The following CPLX2 variants were observed in gnomAD, a reference collection of about 807,000 sequenced individuals.
CPLX2 encodes the protein complexin-2.
In CPLX2, 5 loss-of-function variants were observed where a neutral mutation model predicts 16.3. The observed-to-expected ratio is 0.31, with a 90% CI of 0.16 to 0.64. CPLX2 has a LOEUF of 0.64. CPLX2 is among the 30% of genes least tolerant of loss of function. The pLI is 0.79. For missense variants in CPLX2, 144 were observed against 181.4 expected (o/e 0.79, Z 1.18); for synonymous variants, 89 against 73.2 (o/e 1.22, Z -1.10).
intron 2 of CPLX2, among the ~76,000 whole-genome samples, chr5:175,859,632 CA>C (rs35623034): frequency 2.1e-4 from 32 of 152,296 alleles, no homozygotes; most frequent in Admixed American, 3.9e-4. Context: ...AGCTGTTGGC[CA>C]AAAGTATGTG....
intron 2 of CPLX2, among the ~76,000 whole-genome samples, chr5:175,813,199 A>G (rs1283778968): frequency 1.3e-5 from 2 of 152,272 alleles, no homozygotes; most frequent in East Asian, 3.8e-4. Context: ...TGTTAGAAAT[A>G]TATAACCAGC....
intron 1 of CPLX2, among the ~76,000 whole-genome samples, chr5:175,802,093 A>G (rs1030170483): frequency 6.6e-6 from 1 of 152,222 alleles, no homozygotes; most frequent in Admixed American, 6.5e-5. Context: ...AATAATGCCT[A>G]GGGTATTCTC....
chr5:175,825,292 G>A (rs555759108), intron 2 of CPLX2, among the ~76,000 whole-genome samples: 1 of 152,168 alleles, frequency 6.6e-6, no homozygotes, highest in South Asian at 2.1e-4. Context: ...TACTTGGGAG[G>A]CTGAGGCAGA....
At position 175,857,017 on chromosome 5, in the gene CPLX2, C is replaced by T. The variant is rs530328042; in HGVS notation, c.-88-21635C>T. Among the ~76,000 whole-genome samples, 8 of 152,218 alleles carry T rather than the reference C, an allele frequency of 5.3e-5. 1 individual carries two copies. The highest frequency in any genetic ancestry group is 3.9e-4 in the Admixed American group (6 of 15,280). ...TAGAACTGGGGACTGAAGAACTGAACTAGGGACTCATGACAGATTCTACCT... is the reference window on the plus strand; with the variant it reads ...TAGAACTGGGGACTGAAGAACTGAATTAGGGACTCATGACAGATTCTACCT... On this transcript the variant is annotated intron_variant, in intron 2 of 4. Coordinates refer to the CPLX2 transcript ENST00000359546.
chr5:175,880,462 T>C lies in CPLX2; in HGVS notation c.*417T>C. 1 of 299,702 alleles carries C rather than the reference T, an allele frequency of 3.3e-6. No homozygotes were observed. The highest frequency in any genetic ancestry group is 6.5e-6 in the Non-Finnish European group (1 of 153,228). The allele number at this position is 299,702 out of a possible 1,614,324, so 18.6% of individuals were successfully genotyped here. On this transcript the variant is annotated 3_prime_UTR_variant, in exon 4 of 4. Coordinates refer to ENST00000393745, the MANE Select transcript of CPLX2 (RefSeq NM_001008220.2). ...CTCTAACCCTCAGTGGGCCCCCAGG[T>C]CAGGGCAGGGGCACTGAGTGGCCTG...
intron 2 of CPLX2, among the ~76,000 whole-genome samples, chr5:175,836,177 C>T (rs187991293): frequency 0.044 from 6,635 of 152,086 alleles, 171 homozygotes; most frequent in Middle Eastern, 0.099. Context: ...GGTGAAACCC[C>T]GTCTCTACTA....
intron 1 of CPLX2, among the ~76,000 whole-genome samples, chr5:175,800,262 C>T (rs1271927477): frequency 6.6e-6 from 1 of 152,168 alleles, no homozygotes; most frequent in Non-Finnish European, 1.5e-5. Flanking sequence ...AAGCCCCTGC[C>T]TATCAAATGG....
At position 175,839,276 on chromosome 5, in the gene CPLX2, T is replaced by TTTTGTTTG. The variant is rs113982961; in HGVS notation, c.-89+30224_-89+30231dup. Among the ~76,000 whole-genome samples the TTTTGTTTG allele has an allele frequency of 1.4e-3, 209 of 151,744 alleles. 3 individuals are homozygous for TTTTGTTTG. Among genetic ancestry groups the TTTTGTTTG allele is most frequent in the African/African-American group, 3.9e-3 (162 of 41,306 alleles). On this transcript the variant is annotated intron_variant, in intron 2 of 4. Transcript: ENST00000359546. ...TTTTCCATGAATTTTTGTTTTTTTG[T>TTTTGTTTG]TTTGTTTGTTTGTTTGTTTGTTTTT...
intron 1 of CPLX2, among the ~76,000 whole-genome samples, chr5:175,800,567 A>G (rs1347661160): frequency 2.0e-5 from 3 of 152,000 alleles, no homozygotes; most frequent in African/African-American, 7.2e-5. Flanking sequence ...AGGGCATCCC[A>G]GCTTGTGAAA....
intron 2 of CPLX2, among the ~76,000 whole-genome samples, chr5:175,857,530 C>T (rs1561785256): frequency 6.6e-6 from 1 of 152,212 alleles, no homozygotes; most frequent in Non-Finnish European, 1.5e-5. Flanking sequence ...CTTAAACGTG[C>T]TCAGACACTT....
At chr5:175,878,229 G>A (rs1333973377) in intron 1 of CPLX2, 1 of 153,386 alleles carries the variant, frequency 6.5e-6, no homozygotes, top group Non-Finnish European at 1.5e-5. Flanking sequence ...GCCGGGGAAA[G>A]GTGGCATTGC....
In CPLX2 at chr5:175,847,375, G is replaced by A. The variant is rs140804823; in HGVS notation, c.-88-31277G>A. Among the ~76,000 whole-genome samples the A allele has an allele frequency of 9.2e-5, 14 of 152,240 alleles. No individual in the cohort carries two copies. The East Asian group carries it at 1.9e-3, about 21-fold the overall frequency. ...GGGCTGGGTCCGAGGTCTCACCCCC[G>A]ACACAGGTTGCATCTACAACCTCAG... is the stretch of plus-strand genomic sequence containing the variant. On this transcript the variant is annotated intron_variant, in intron 2 of 4. Coordinates refer to the CPLX2 transcript ENST00000359546.
intron 2 of CPLX2, among the ~76,000 whole-genome samples, chr5:175,829,174 T>C (rs1206687230): frequency 2.6e-5 from 4 of 152,322 alleles, no homozygotes; most frequent in East Asian, 3.9e-4. Flanking sequence ...GATCTCTCCA[T>C]AGGCAGCCTT....
chr5:175,878,134 C>T (rs1400600722), intron 1 of CPLX2: 1 of 152,510 alleles, frequency 6.6e-6, no homozygotes, highest in Non-Finnish European at 1.5e-5. Context: ...CAGCTGCCTC[C>T]GATTGGCTGG....
intron 2 of CPLX2, among the ~76,000 whole-genome samples, chr5:175,812,232 A>G (rs527921065): frequency 2.0e-5 from 3 of 152,222 alleles, no homozygotes; most frequent in Non-Finnish European, 4.4e-5. Context: ...AGCACAGCTC[A>G]GGCCCCTTGG....
In CPLX2 at chr5:175,799,552, A is replaced by ATATT. The variant is rs1561766333; in HGVS notation, c.-169+2771_-169+2772insTTAT. 3.7e-5 allele frequency among the ~76,000 whole-genome samples: 5 copies of ATATT among 133,350 alleles called. No homozygotes were observed. In the East Asian group the frequency reaches 1.1e-3, roughly 29 times the overall value. The allele number at this position is 133,350 out of a possible 152,430, so 87.5% of individuals were successfully genotyped here. A position where few individuals can be genotyped will look rare whatever the true frequency, so the allele number is the denominator to read the frequency against. ...CTTTGCAAATTTCATATATATATAT[A>ATATT]TATATATATATATATATATATATAG... On this transcript the variant is annotated intron_variant, in intron 1 of 4. Transcript: ENST00000359546.
intron 1 of CPLX2, among the ~76,000 whole-genome samples, chr5:175,807,139 C>T (rs989029267): frequency 2.6e-5 from 4 of 152,194 alleles, no homozygotes; most frequent in African/African-American, 9.7e-5. Flanking sequence ...AGGAGAATGA[C>T]TAGTGTGTGA....
intron 2 of CPLX2, among the ~76,000 whole-genome samples, chr5:175,827,668 G>A (rs532559760): frequency 3.4e-4 from 52 of 152,330 alleles, no homozygotes; most frequent in African/African-American, 1.3e-3. Flanking sequence ...GCTGAGGCAG[G>A]AGAATCGCTT....
intron 2 of CPLX2, among the ~76,000 whole-genome samples, chr5:175,816,340 G>A (rs557408777): frequency 6.6e-6 from 1 of 152,222 alleles, no homozygotes; most frequent in South Asian, 2.1e-4. Flanking sequence ...GCTAATTTTT[G>A]TATTTTTAGT....
Sources: allele counts gnomAD v4.1 joint callset (sites outside exome capture counted in the v4.1 genomes callset), GRCh38; gene constraint gnomAD v4.1.1; transcripts MANE v1.5; gene names NCBI Gene and HGNC (gene_info 2026-07-23, HGNC 2026-07-21).